The following TMEM44 variants were observed in gnomAD, a reference collection of about 807,000 sequenced individuals.
TMEM44 encodes transmembrane protein 44.
A neutral mutation model predicts 47.8 loss-of-function variants in TMEM44; 43 were observed. That is an observed-to-expected ratio of 0.90 (90% CI 0.70 to 1.16). The LOEUF (loss-of-function observed/expected upper bound fraction) is 1.16, where lower values mean the gene tolerates loss of function less well. Among genes scored for constraint, TMEM44 ranks in the 50% most tolerant of loss-of-function variants. TMEM44 has a pLI of 0.00. For synonymous variants in TMEM44, 277 were observed against 238.8 expected, an observed-to-expected ratio of 1.16 and a Z score of -1.48; for missense variants, 568 against 555.2, an observed-to-expected ratio of 1.02 and a Z score of -0.23.
chr3:194,601,381 C>T lies in TMEM44; in HGVS notation c.1176+2906G>A, dbSNP rs535699033. On this transcript the variant is annotated intron_variant, in intron 9 of 9. Coordinates refer to ENST00000347147, the MANE Select transcript of TMEM44 (RefSeq NM_001011655.3). ...GTGCAATGGCATGATCTCTGCTTAC[C>T]GAAACCTCCGCCTCCTGGGTTCAAG... Among the ~76,000 whole-genome samples, 515 of 151,548 alleles carry T rather than the reference C, an allele frequency of 3.4e-3. 3 individuals are homozygous for T. Among genetic ancestry groups the T allele is most frequent in the Non-Finnish European group, 6.0e-3 (410 of 67,838 alleles).
chr3:194,602,688 T>C (rs1032835934), intron 9 of TMEM44, among the ~76,000 whole-genome samples: 2 of 151,218 alleles, frequency 1.3e-5, no homozygotes, highest in Non-Finnish European at 2.9e-5. Context: ...TTCTGACCTG[T>C]GGCGAAAGGG....
intron 3 of TMEM44, among the ~76,000 whole-genome samples, chr3:194,625,300 C>T (rs1363713772): frequency 6.6e-6 from 1 of 152,150 alleles, no homozygotes; most frequent in Non-Finnish European, 1.5e-5. Context: ...GCCTGGAGTG[C>T]CCTGCCTGTG....
At chr3:194,624,672 G>A (rs1716942562) in intron 3 of TMEM44, among the ~76,000 whole-genome samples, 1 of 151,594 alleles carries the variant, frequency 6.6e-6, no homozygotes, top group South Asian at 2.1e-4. Flanking sequence ...TCCCAACTCA[G>A]CCTCCCGAAG....
chr3:194,593,359 A>AATT (rs574923162), intron 9 of TMEM44, among the ~76,000 whole-genome samples: 7 of 152,262 alleles, frequency 4.6e-5, no homozygotes, highest in Admixed American at 1.3e-4. Context: ...TATTAGTAGA[A>AATT]ATTATTATTA....
intron 1 of TMEM44, among the ~76,000 whole-genome samples, chr3:194,632,578 T>C (rs1717934570): frequency 6.6e-6 from 1 of 152,106 alleles, no homozygotes; most frequent in African/African-American, 2.4e-5. Context: ...TAAGAGGACT[T>C]TGGGTAAACT....
At chr3:194,594,939 T>C (rs1251447245) in intron 9 of TMEM44, among the ~76,000 whole-genome samples, 2 of 152,190 alleles carry the variant, frequency 1.3e-5, no homozygotes, top group East Asian at 1.9e-4. Flanking sequence ...CCGCTAATGA[T>C]AGTGTGCCTA....
At chr3:194,604,554 C>G (rs1714563623) in intron 8 of TMEM44, 109 bp from the exon 9 acceptor site, 1 of 1,368,518 alleles carries the variant, frequency 7.3e-7, no homozygotes, top group South Asian at 1.5e-5. Context: ...AAAGGGTGTG[C>G]AGGGCAGCAT....
intron 8 of TMEM44, among the ~76,000 whole-genome samples, chr3:194,609,077 G>A (rs538968209): frequency 1.2e-3 from 181 of 152,268 alleles, no homozygotes; most frequent in Middle Eastern, 3.4e-3. Context: ...TTTTGGGCTT[G>A]AACCACTGCA....
At chr3:194,626,133 A>G (rs1176445835) in intron 2 of TMEM44, 143 bp from the exon 3 acceptor site, 1 of 641,238 alleles carries the variant, frequency 1.6e-6, no homozygotes, top group Non-Finnish European at 2.8e-6. Flanking sequence ...CCTCCTGCCA[A>G]CCCCGGAAAA....
chr3:194,623,940 G>A (rs2108598410), intron 3 of TMEM44, among the ~76,000 whole-genome samples: 1 of 150,806 alleles, frequency 6.6e-6, no homozygotes, highest in Admixed American at 6.7e-5. Flanking sequence ...CCTTCCTCAG[G>A]CAGAGATGAC....
intron 9 of TMEM44, among the ~76,000 whole-genome samples, chr3:194,601,544 C>T (rs1029768416): frequency 1.3e-5 from 2 of 151,958 alleles, no homozygotes; most frequent in Non-Finnish European, 2.9e-5. Context: ...CTCAGATGAT[C>T]CGCCCACCTT....
At chr3:194,621,852 C>T (rs1182820686) in intron 5 of TMEM44, among the ~76,000 whole-genome samples, 8 of 152,150 alleles carry the variant, frequency 5.3e-5, no homozygotes, top group Admixed American at 5.2e-4. Context: ...GCTGGGATTA[C>T]AGGCACCCGC....
chr3:194,633,025 G>C, intron 1 of TMEM44, 54 bp downstream of exon 1: 1 of 1,109,668 alleles, frequency 9.0e-7, no homozygotes, highest in Non-Finnish European at 1.2e-6. Flanking sequence ...GGAGCAGCAG[G>C]GGATTGGCGC....
chr3:194,605,222 C>T (rs146231674), intron 8 of TMEM44, among the ~76,000 whole-genome samples: 191 of 152,128 alleles, frequency 1.3e-3, no homozygotes, highest in African/African-American at 4.3e-3. Context: ...AAAGCTTCCC[C>T]CCATGGGCTC....
At chr3:194,609,668 G>T (rs1298493464) in intron 8 of TMEM44, among the ~76,000 whole-genome samples, 2 of 151,780 alleles carry the variant, frequency 1.3e-5, no homozygotes, top group African/African-American at 4.8e-5. Context: ...GTCACCCGGA[G>T]CCCTGCCTCC....
rs1353753820 is a variant in TMEM44 at position 194,628,508 on chromosome 3, GC to G, written c.138del (p.Leu47PhefsTer4). On this transcript the variant is annotated frameshift_variant and splice_region_variant, in exon 2 of 10. Coordinates refer to ENST00000347147, the MANE Select transcript of TMEM44 (RefSeq NM_001011655.3). LOFTEE classifies it high-confidence loss of function. ...TTCTGTGCACATCTCAGATAGAGAAGCCTGGGGTGACAGGGGTGTGGACAGA... is the reference window on the plus strand; with the variant it reads ...TTCTGTGCACATCTCAGATAGAGAAGCTGGGGTGACAGGGGTGTGGACAGA... ...ASSCWIAAHA[L>X]LLYLRCAQKP... 1 of 1,612,260 alleles carries G rather than the reference GC, an allele frequency of 6.2e-7. No homozygotes were observed. Among genetic ancestry groups the G allele is most frequent in the African/African-American group, 1.3e-5 (1 of 75,018 alleles).
chr3:194,596,266 G>A (rs1197822730), intron 9 of TMEM44, among the ~76,000 whole-genome samples: 1 of 152,140 alleles, frequency 6.6e-6, no homozygotes, highest in Non-Finnish European at 1.5e-5. Flanking sequence ...GGCAGAGCGC[G>A]CCTGCATCGC....
chr3:194,592,995 C>T, intron 9 of TMEM44: 1 of 1,601,782 alleles, frequency 6.2e-7, no homozygotes. Context: ...TGAAATCAAG[C>T]CATAGGAAGT....
intron 3 of TMEM44, 123 bp from the exon 4 acceptor site, chr3:194,623,818 C>T (rs1042225587): frequency 4.6e-6 from 6 of 1,307,442 alleles, no homozygotes; most frequent in Non-Finnish European, 6.4e-6. Flanking sequence ...CCACATTATT[C>T]TGCAGGCCAG....
Sources: allele counts gnomAD v4.1 joint callset (sites outside exome capture counted in the v4.1 genomes callset), GRCh38; gene constraint gnomAD v4.1.1; transcripts MANE v1.5; gene names NCBI Gene and HGNC (gene_info 2026-07-23, HGNC 2026-07-21).